CAMTA1: variants seen among roughly 807,000 people sequenced by gnomAD.
The protein encoded by CAMTA1 is calmodulin binding transcription activator 1.
CAMTA1 carries 27 observed loss-of-function variants against 170.9 expected under a neutral mutation model. The observed-to-expected ratio is 0.16, with a 90% CI of 0.12 to 0.22. CAMTA1 has a LOEUF of 0.22. CAMTA1 is among the 10% of genes least tolerant of loss of function. CAMTA1 has a pLI of 1.00. For synonymous variants in CAMTA1, 833 were observed against 891.5 expected (o/e 0.93, Z 1.17); for missense variants, 1,619 against 2,217.2 (o/e 0.73, Z 5.42).
At chr1:7,239,545 TG>T (rs1664478355) in intron 4 of CAMTA1, among the ~76,000 whole-genome samples, 1 of 151,862 alleles carries the variant, frequency 6.6e-6, no homozygotes, top group African/African-American at 2.4e-5. Context: ...TGTATCCCCA[TG>T]GCATCATTTA....
At chr1:6,801,518 T>C (rs1643834963) in intron 1 of CAMTA1, among the ~76,000 whole-genome samples, 1 of 152,114 alleles carries the variant, frequency 6.6e-6, no homozygotes, top group South Asian at 2.1e-4. Context: ...TAAACACTTG[T>C]TTAATAAAAA....
rs551792391 is a variant in CAMTA1 at position 7,737,077 on chromosome 1, C to T, written c.3342+68C>T. ...GTCTGGCATAGGATTTGCCTGGTTC[C>T]CACCGTTGTCTCTTGCTGACACATG... On this transcript the variant is annotated intron_variant, in intron 14 of 22. Coordinates refer to ENST00000303635, the MANE Select transcript of CAMTA1 (RefSeq NM_015215.4). 8.8e-4 allele frequency: 1,238 copies of T among 1,400,208 alleles called. 6 individuals carry two copies. The highest frequency in any genetic ancestry group is 2.2e-3 in the South Asian group (190 of 85,898). 86.7% of individuals were successfully genotyped at this position (1,400,208 alleles called of 1,614,324 possible).
At chr1:7,657,026 T>G (rs889446248) in intron 7 of CAMTA1, among the ~76,000 whole-genome samples, 16 of 152,198 alleles carry the variant, frequency 1.1e-4, no homozygotes, top group Non-Finnish European at 1.9e-4. Flanking sequence ...TCCGCGAGAA[T>G]GCAGTCCCCG....
intron 4 of CAMTA1, among the ~76,000 whole-genome samples, chr1:7,207,304 A>C (rs1657913587): frequency 6.6e-6 from 1 of 152,198 alleles, no homozygotes; most frequent in Non-Finnish European, 1.5e-5. Context: ...TCGCTGGATA[A>C]CACCAGTGAT....
intron 3 of CAMTA1, among the ~76,000 whole-genome samples, chr1:6,950,540 C>G (rs1167215861): frequency 2.0e-5 from 3 of 152,154 alleles, no homozygotes; most frequent in Non-Finnish European, 4.4e-5. Context: ...ACTCCTGCCA[C>G]ATGCTCACTG....
At chr1:7,498,036 G>A (rs2093859377) in intron 6 of CAMTA1, among the ~76,000 whole-genome samples, 1 of 152,078 alleles carries the variant, frequency 6.6e-6, no homozygotes, top group African/African-American at 2.4e-5. Flanking sequence ...AGTCCTTCCT[G>A]GAGAGTCCTT....
intron 3 of CAMTA1, among the ~76,000 whole-genome samples, chr1:6,827,084 A>G (rs1028138175): frequency 2.0e-5 from 3 of 152,216 alleles, no homozygotes; most frequent in African/African-American, 7.2e-5. Flanking sequence ...CAGTCCACAT[A>G]CTCCCTTGGA....
intron 5 of CAMTA1, among the ~76,000 whole-genome samples, chr1:7,363,036 C>T (rs375070500): frequency 1.3e-5 from 2 of 152,164 alleles, no homozygotes; most frequent in South Asian, 2.1e-4. Context: ...CCTTCTAGCT[C>T]GCAGAGGTGC....
chr1:7,079,335 T>G (rs1335745943), intron 3 of CAMTA1, among the ~76,000 whole-genome samples: 1 of 152,208 alleles, frequency 6.6e-6, no homozygotes, highest in Admixed American at 6.5e-5. Context: ...ATATAATTGC[T>G]GACAGTTTTC....
At position 7,123,049 on chromosome 1, in the gene CAMTA1, C is replaced by T. The variant is rs188552203; in HGVS notation, c.302+31678C>T. 7.4e-3 allele frequency among the ~76,000 whole-genome samples: 1,131 copies of T among 152,330 alleles called. 13 individuals carry two copies. Among genetic ancestry groups the T allele is most frequent in the Non-Finnish European group, 0.011 (733 of 68,030 alleles). On this transcript the variant is annotated intron_variant, in intron 4 of 22. Transcript: ENST00000303635. ...ACGTGGTCTGCAAGCCCTGCACACA[C>T]GTGGGGCTCCGGGCCATCTTGCCAG...
intron 4 of CAMTA1, among the ~76,000 whole-genome samples, chr1:7,096,714 G>A (rs1332680916): frequency 6.6e-6 from 1 of 152,180 alleles, no homozygotes; most frequent in African/African-American, 2.4e-5. Flanking sequence ...AGGTTCAGCT[G>A]TGTCCTCACT....
At chr1:6,871,722 C>T in intron 3 of CAMTA1, 1 of 1,512,242 alleles carries the variant, frequency 6.6e-7, no homozygotes, top group Non-Finnish European at 8.9e-7. Flanking sequence ...CTCAGAGATA[C>T]TAGTTTTACT....
chr1:7,111,238 G>A (rs1266732664), intron 4 of CAMTA1, among the ~76,000 whole-genome samples: 1 of 152,214 alleles, frequency 6.6e-6, no homozygotes, highest in Non-Finnish European at 1.5e-5. Flanking sequence ...CTGATTAGCA[G>A]TCTTAATTCA....
At chr1:7,742,680 A>G (rs1021896556) in intron 16 of CAMTA1, among the ~76,000 whole-genome samples, 1 of 152,224 alleles carries the variant, frequency 6.6e-6, no homozygotes, top group Non-Finnish European at 1.5e-5. Flanking sequence ...GATTTAGGAA[A>G]GTGATTGTAG....
Position 7,687,118 on chromosome 1 carries a change from C to T in CAMTA1, c.2914+9385C>T, listed in dbSNP as rs118169561. On this transcript the variant is annotated intron_variant, in intron 11 of 22. Transcript: ENST00000303635. ...TCCTCCGCGTGCAGATGGCGTTTAG[C>T]GCCCTAGGTCTGAGCACGAAGACTC... Among the ~76,000 whole-genome samples, 7 of 151,834 alleles carry T rather than the reference C, an allele frequency of 4.6e-5. No homozygotes were observed. The East Asian group carries it at 1.2e-3, about 26-fold the overall frequency.
chr1:7,668,759 TTTC>T (rs1421287310), intron 9 of CAMTA1, among the ~76,000 whole-genome samples: 1 of 152,194 alleles, frequency 6.6e-6, no homozygotes, highest in Non-Finnish European at 1.5e-5. Flanking sequence ...TCTCCAGTAA[TTTC>T]TGCAGTTCTT....
At chr1:7,161,136 C>G (rs1558186982) in intron 4 of CAMTA1, among the ~76,000 whole-genome samples, 1 of 152,204 alleles carries the variant, frequency 6.6e-6, no homozygotes, top group Admixed American at 6.5e-5. Flanking sequence ...TGCCTTTCCT[C>G]TGCTCTCAAA....
At chr1:7,503,300 G>A (rs2094040730) in intron 6 of CAMTA1, among the ~76,000 whole-genome samples, 1 of 152,226 alleles carries the variant, frequency 6.6e-6, no homozygotes, top group Admixed American at 6.5e-5. Flanking sequence ...TTTGCTTACA[G>A]ATGGAGAAGT....
chr1:7,603,820 C>T (rs1467734436), intron 6 of CAMTA1, among the ~76,000 whole-genome samples: 1 of 152,138 alleles, frequency 6.6e-6, no homozygotes, highest in Non-Finnish European at 1.5e-5. Flanking sequence ...GTGGCTGGTA[C>T]CAGTTGTTCC....
Sources: allele counts gnomAD v4.1 joint callset (sites outside exome capture counted in the v4.1 genomes callset), GRCh38; gene constraint gnomAD v4.1.1; transcripts MANE v1.5; gene names NCBI Gene and HGNC (gene_info 2026-07-23, HGNC 2026-07-21).